Variants in MGLL observed in about 807,000 individuals in gnomAD.
MGLL encodes monoglyceride lipase, also known as lysophospholipase homolog.
In MGLL, 7 loss-of-function variants were observed where a neutral mutation model predicts 29.1. The observed-to-expected ratio is 0.24, with a 90% CI of 0.14 to 0.45. MGLL has a LOEUF of 0.45. Among genes scored for constraint, MGLL ranks in the 20% least tolerant of loss-of-function variants. The probability of loss-of-function intolerance (pLI) is 0.99; values close to 1 mark genes in which losing one functional copy is unlikely to be tolerated. For synonymous variants in MGLL, 148 were observed against 168.3 expected (o/e 0.88, Z 0.93); for missense variants, 356 against 413.6 (o/e 0.86, Z 1.21).
intron 2 of MGLL, among the ~76,000 whole-genome samples, chr3:127,801,573 A>G (rs1464158917): frequency 9.9e-4 from 143 of 143,852 alleles, no homozygotes; most frequent in East Asian, 3.0e-3. Flanking sequence ...CCGAGATCGC[A>G]CCATTGCACT....
intron 3 of MGLL, among the ~76,000 whole-genome samples, chr3:127,767,045 C>A (rs940145604): frequency 8.6e-5 from 13 of 151,562 alleles, no homozygotes; most frequent in African/African-American, 3.2e-4. Context: ...TGCACTCCAG[C>A]CCGAGTGATG....
chr3:127,738,402 G>C (rs79371895), intron 3 of MGLL, among the ~76,000 whole-genome samples: 1 of 152,064 alleles, frequency 6.6e-6, no homozygotes, highest in Non-Finnish European at 1.5e-5. Context: ...AGCAAGCCAC[G>C]CCTTGGGAGG....
rs778178029 is a variant in MGLL at position 127,692,162 on chromosome 3, TC to T, written c.*35del. On this transcript the variant is annotated 3_prime_UTR_variant, in exon 8 of 8. Transcript: ENST00000265052. The stretch of plus-strand genomic sequence containing the variant: ...CATCTCTGCCCTTCCCCTGCCTGCA[TC>T]CCCCAGACCATGAGCCGGGCACCGG... 46 of 1,415,426 alleles carry T rather than the reference TC, an allele frequency of 3.2e-5. No individual in the cohort carries two copies. The African/African-American group carries it at 6.6e-4, about 20-fold the overall frequency. The allele number at this position is 1,415,426 out of a possible 1,614,324, so 87.7% of individuals were successfully genotyped here.
chr3:127,754,249 C>G (rs1285308699), intron 3 of MGLL, among the ~76,000 whole-genome samples: 2 of 152,222 alleles, frequency 1.3e-5, no homozygotes, highest in Non-Finnish European at 2.9e-5. Context: ...AAGCTCACTC[C>G]CAGTTCCCCT....
intron 3 of MGLL, among the ~76,000 whole-genome samples, chr3:127,777,354 A>T (rs1338937207): frequency 6.6e-6 from 1 of 152,258 alleles, no homozygotes; most frequent in Non-Finnish European, 1.5e-5. Context: ...GATAGCCATC[A>T]GCAATGTCCA....
Position 127,803,819 on chromosome 3 carries a change from A to G in MGLL, c.155+17875T>C, listed in dbSNP as rs189291759. ...TCATTCCCTCGTTCATCCCATTCCA[A>G]TCCTCTGAGTACTTAAGAGAGAGAC... On this transcript the variant is annotated intron_variant, in intron 2 of 7. Coordinates refer to ENST00000265052, the MANE Select transcript of MGLL (RefSeq NM_007283.7). Among the ~76,000 whole-genome samples the G allele has an allele frequency of 2.6e-3, 393 of 152,160 alleles. 1 individual carries two copies. The highest frequency in any genetic ancestry group is 8.7e-3 in the African/African-American group (362 of 41,504).
chr3:127,722,053 T>C (rs1437814563), intron 4 of MGLL, among the ~76,000 whole-genome samples: 2 of 152,192 alleles, frequency 1.3e-5, no homozygotes, highest in Non-Finnish European at 2.9e-5. Flanking sequence ...GTCATCTGAG[T>C]TCAATTCTGA....
In MGLL at chr3:127,704,785, T is replaced by G. The variant is rs138431360; in HGVS notation, c.600+5791A>C. 5.4e-3 allele frequency among the ~76,000 whole-genome samples: 828 copies of G among 152,326 alleles called. 7 individuals carry two copies. The highest frequency in any genetic ancestry group is 0.019 in the African/African-American group (792 of 41,566). On this transcript the variant is annotated intron_variant, in intron 6 of 7. Coordinates refer to ENST00000265052, the MANE Select transcript of MGLL (RefSeq NM_007283.7). ...TGGAGAAATAGGAACACTTTTACAT[T>G]GTTGGTGAGAATGTAAATTAGTTCA...
chr3:127,797,910 A>C (rs2077412130), intron 2 of MGLL, among the ~76,000 whole-genome samples: 1 of 152,072 alleles, frequency 6.6e-6, no homozygotes, highest in African/African-American at 2.4e-5. Flanking sequence ...TACCTGGCCC[A>C]CCGTACCTGG....
At chr3:127,766,977 A>G (rs2076868720) in intron 3 of MGLL, among the ~76,000 whole-genome samples, 1 of 152,174 alleles carries the variant, frequency 6.6e-6, no homozygotes, top group African/African-American at 2.4e-5. Context: ...AGGTTGAGGC[A>G]GGAGAATTGG....
intron 2 of MGLL, among the ~76,000 whole-genome samples, chr3:127,800,974 T>C (rs2077468413): frequency 6.6e-6 from 1 of 151,460 alleles, no homozygotes. Context: ...AGAGTACGTA[T>C]AGTCAGAGAG....
chr3:127,746,236 C>T (rs750928771), intron 3 of MGLL, among the ~76,000 whole-genome samples: 6 of 152,156 alleles, frequency 3.9e-5, no homozygotes, highest in South Asian at 2.1e-4. Flanking sequence ...CCCAAACATG[C>T]GGCCATGGCT....
chr3:127,777,273 T>C (rs1023366086), intron 3 of MGLL, among the ~76,000 whole-genome samples: 1 of 152,116 alleles, frequency 6.6e-6, no homozygotes, highest in Non-Finnish European at 1.5e-5. Context: ...GCCCAGAAAA[T>C]ACATAAAGTA....
chr3:127,709,066 C>T (rs1315922197), intron 6 of MGLL, among the ~76,000 whole-genome samples: 1 of 152,212 alleles, frequency 6.6e-6, no homozygotes, highest in African/African-American at 2.4e-5. Flanking sequence ...GGGTTAATGT[C>T]GATCTCATTC....
At chr3:127,803,442 C>A (rs1212002114) in intron 2 of MGLL, among the ~76,000 whole-genome samples, 4 of 152,238 alleles carry the variant, frequency 2.6e-5, no homozygotes, top group Admixed American at 2.6e-4. Context: ...TGCCAACCAG[C>A]CTCACAGCAA....
intron 2 of MGLL, among the ~76,000 whole-genome samples, chr3:127,797,535 CAT>C (rs2077404555): frequency 6.6e-6 from 1 of 152,158 alleles, no homozygotes; most frequent in Non-Finnish European, 1.5e-5. Flanking sequence ...ATGCCTAAGA[CAT>C]ATAATGCCTA....
chr3:127,754,223 C>T (rs2076614954), intron 3 of MGLL, among the ~76,000 whole-genome samples: 1 of 152,216 alleles, frequency 6.6e-6, no homozygotes, highest in South Asian at 2.1e-4. Context: ...CCAGGCACTG[C>T]CGCCCACTCC....
intron 3 of MGLL, 93 bp from the exon 4 acceptor site, chr3:127,722,659 C>G (rs2075952830): frequency 6.6e-7 from 1 of 1,524,450 alleles, no homozygotes. Flanking sequence ...GCTCTCTCTC[C>G]TGAGCGCCTG....
chr3:127,774,851 G>A (rs898294053), intron 3 of MGLL, among the ~76,000 whole-genome samples: 4 of 152,174 alleles, frequency 2.6e-5, no homozygotes, highest in Non-Finnish European at 5.9e-5. Flanking sequence ...TGCCACTGGA[G>A]TTTCAGACCC....
Sources: gnomAD v4.1 joint callset for allele counts (sites outside exome capture counted in the v4.1 genomes callset) on GRCh38, gnomAD v4.1.1 for gene constraint, MANE v1.5 for transcripts, NCBI Gene and HGNC (gene_info 2026-07-23, HGNC 2026-07-21) for gene names.